SMPDL3A: variants seen among roughly 807,000 people sequenced by gnomAD.
SMPDL3A encodes sphingomyelin phosphodiesterase acid like 3A.
Under a neutral mutation model 38.5 loss-of-function variants are expected in SMPDL3A, and 39 were observed. The observed-to-expected ratio is 1.01, with a 90% CI of 0.78 to 1.32. SMPDL3A has a LOEUF of 1.32. Ranked by LOEUF, SMPDL3A falls within the 40% of genes most tolerant of loss-of-function variation. The pLI is 0.00. For synonymous variants in SMPDL3A, 180 were observed against 194.3 expected (o/e 0.93, Z 0.61); for missense variants, 502 against 536.2 (o/e 0.94, Z 0.63).
At chr6:122,804,525 G>A (rs66469917) in intron 5 of SMPDL3A, among the ~76,000 whole-genome samples, 29,400 of 151,272 alleles carry the variant, frequency 0.19, 3,241 homozygotes, top group South Asian at 0.35. Flanking sequence ...TGCCCAGGTT[G>A]GTCTCGAACT....
rs1487623272 is a variant in SMPDL3A, at chr6:122,794,264, T to G, written c.113-1413T>G. ...ATAGAAAATACTTAATAAAGAGAGA[T>G]ACCACTGTGATTATTTGTTCTAGTA... On this transcript the variant is annotated intron_variant, in intron 1 of 7. Coordinates refer to ENST00000368440, the MANE Select transcript of SMPDL3A (RefSeq NM_006714.5). Among the ~76,000 whole-genome samples the G allele has an allele frequency of 2.0e-5, 3 of 152,320 alleles. No homozygotes were observed. In the East Asian group the frequency reaches 5.8e-4, roughly 29 times the overall value.
chr6:122,808,079 AT>A lies in SMPDL3A; in HGVS notation c.1045-1009del, dbSNP rs1582562004. On this transcript the variant is annotated intron_variant, in intron 7 of 7. Coordinates refer to ENST00000368440, the MANE Select transcript of SMPDL3A (RefSeq NM_006714.5). ...AATAATTTCTAAAAATATAAAAATA[AT>A]TTCTTATATAATTTCTAAATAATTT... 2.0e-5 allele frequency among the ~76,000 whole-genome samples: 3 copies of A among 152,230 alleles called. No individual in the cohort carries two copies. In the South Asian group the frequency reaches 6.2e-4, roughly 32 times the overall value.
rs1358444438 is a variant in SMPDL3A at position 122,805,090 on chromosome 6, G to T, written c.919+1G>T. On this transcript the variant is annotated splice_donor_variant, in intron 6 of 7. Transcript: ENST00000368440. LOFTEE classifies it high-confidence loss of function. Reference sequence around the variant, plus strand: ...ATTATGGTTCTTTCAGATAAAAAAGGTAATGTAATGCTGTGTTTGCATCTC... The same window carrying T: ...ATTATGGTTCTTTCAGATAAAAAAGTTAATGTAATGCTGTGTTTGCATCTC... The T allele has an allele frequency of 1.9e-6, 3 of 1,598,882 alleles. No individual in the cohort carries two copies. Among genetic ancestry groups the T allele is most frequent in the Non-Finnish European group, 2.6e-6 (3 of 1,174,164 alleles).
At chr6:122,807,178 G>A (rs985751229) in intron 7 of SMPDL3A, among the ~76,000 whole-genome samples, 6 of 151,902 alleles carry the variant, frequency 3.9e-5, no homozygotes, top group African/African-American at 1.4e-4. Flanking sequence ...TGGTATTACA[G>A]ATGTGAGCCA....
chr6:122,796,049 G>A (rs1781239426), intron 2 of SMPDL3A, among the ~76,000 whole-genome samples, 159 bp downstream of exon 2: 1 of 152,024 alleles, frequency 6.6e-6, no homozygotes, highest in South Asian at 2.1e-4. Context: ...TTAGAGGTAA[G>A]AACAATTTTA....
chr6:122,804,896 T>C lies in SMPDL3A; in HGVS notation c.739-13T>C, dbSNP rs369592136. ...AAGATTCTCATGAGGCCTTTTTGTG[T>C]TTCTTTTTCCAGGTGTATATCATAG... On this transcript the variant is annotated splice_polypyrimidine_tract_variant and intron_variant, in intron 5 of 7. Coordinates refer to ENST00000368440, the MANE Select transcript of SMPDL3A (RefSeq NM_006714.5). 28 of 1,586,750 alleles carry C rather than the reference T, an allele frequency of 1.8e-5. No individual in the cohort carries two copies. The highest frequency in any genetic ancestry group is 2.4e-5 in the Non-Finnish European group (28 of 1,171,880).
chr6:122,803,554 G>T, intron 4 of SMPDL3A, 110 bp from the exon 5 acceptor site: 1 of 760,346 alleles, frequency 1.3e-6, no homozygotes, highest in Non-Finnish European at 2.1e-6. Flanking sequence ...TAAACAATGA[G>T]AAATAAGCAC....
At chr6:122,797,040 C>G (rs1582542473) in intron 3 of SMPDL3A, 72 bp downstream of exon 3, 2 of 1,288,184 alleles carry the variant, frequency 1.6e-6, no homozygotes, top group Non-Finnish European at 2.2e-6. Context: ...GTGACAATAA[C>G]TAGCTAGTGA....
intron 1 of SMPDL3A, among the ~76,000 whole-genome samples, chr6:122,790,675 C>A (rs1206884119): frequency 1.3e-5 from 2 of 152,194 alleles, no homozygotes; most frequent in South Asian, 4.1e-4. Context: ...TCAGTCATTA[C>A]AAGAAATTTC....
chr6:122,804,221 A>G (rs1339422385), intron 5 of SMPDL3A, among the ~76,000 whole-genome samples: 1 of 151,902 alleles, frequency 6.6e-6, no homozygotes, highest in Non-Finnish European at 1.5e-5. Flanking sequence ...CTACTGACCT[A>G]GGTGATCCAC....
At chr6:122,796,703 G>C (rs1781257967) in intron 2 of SMPDL3A, 121 bp from the exon 3 acceptor site, 2 of 641,312 alleles carry the variant, frequency 3.1e-6, no homozygotes, top group African/African-American at 1.8e-5. Context: ...CAACTCTTTA[G>C]CTGTAATCTG....
At position 122,803,688 on chromosome 6, in the gene SMPDL3A, C is replaced by T. The variant is rs763455970; in HGVS notation, c.593C>T (p.Thr198Ile). Residue 198 changes from threonine (T) to isoleucine (I), a missense_variant, in exon 5 of 8, where the codon ACA becomes ATA. Transcript: ENST00000368440. ...RKGGFYSQKV[T>I]TNPNLRIISL... ...GGTGGTTTTTATTCACAGAAAGTTA[C>T]AACTAATCCAAACCTTAGGATCATC... is the stretch of plus-strand genomic sequence containing the variant. The T allele has an allele frequency of 1.9e-6, 3 of 1,611,782 alleles. No homozygotes were observed. The highest frequency in any genetic ancestry group is 2.5e-6 in the Non-Finnish European group (3 of 1,179,350).
At chr6:122,804,865 T>A (rs374741338) in intron 5 of SMPDL3A, 44 bp from the exon 6 acceptor site, 12 of 1,528,660 alleles carry the variant, frequency 7.9e-6, no homozygotes, top group African/African-American at 4.2e-5. Flanking sequence ...ATGATGAATG[T>A]GCAGAAAGAT....
intron 1 of SMPDL3A, among the ~76,000 whole-genome samples, chr6:122,792,089 G>C (rs6569285): frequency 0.076 from 11,604 of 152,246 alleles, 1,454 homozygotes; most frequent in African/African-American, 0.26. Context: ...TGGAGTGTGG[G>C]CTCTGCCACA....
rs1024070510 is a variant in SMPDL3A, at chr6:122,805,661, G to T, written c.919+572G>T. On this transcript the variant is annotated intron_variant, in intron 6 of 7. Transcript: ENST00000368440. ...TGTTGTTGAGACGGAGCCTCGCTCT[G>T]TTGCCAGGCTGGAGCGCACCCTGCG... is the stretch of plus-strand genomic sequence containing the variant. Among the ~76,000 whole-genome samples the T allele has an allele frequency of 2.0e-5, 3 of 152,192 alleles. No homozygotes were observed. The East Asian group carries it at 5.8e-4, about 29-fold the overall frequency.
chr6:122,795,775 T>C lies in SMPDL3A; in HGVS notation c.211T>C (p.Ser71Pro). 1 of 1,614,136 alleles carries C rather than the reference T, an allele frequency of 6.2e-7. No homozygotes were observed. The highest frequency in any genetic ancestry group is 8.5e-7 in the Non-Finnish European group (1 of 1,179,988). The change falls in exon 2 of 8, where the codon TCC (serine) becomes CCC (proline). Residue 71 changes from serine (S) to proline (P), a missense_variant. Physicochemically the swap from Ser to Pro is moderately conservative, Grantham distance 74. Coordinates refer to ENST00000368440, the MANE Select transcript of SMPDL3A (RefSeq NM_006714.5). ...TGCTTCATCTAAAGGTGCAAATGCC[T>C]CCAACCCTGGCCCTTTTGGAGATGT... is the stretch of plus-strand genomic sequence containing the variant. ...VCASSKGANA[S>P]NPGPFGDVLC...
intron 2 of SMPDL3A, among the ~76,000 whole-genome samples, 175 bp downstream of exon 2, chr6:122,796,065 GT>G (rs201192159): frequency 2.7e-5 from 4 of 150,486 alleles, no homozygotes; most frequent in Admixed American, 6.6e-5. Context: ...TTTTAGAAGT[GT>G]TTTTTTTTGG....
intron 7 of SMPDL3A, among the ~76,000 whole-genome samples, chr6:122,808,609 C>CCTTCCTT (rs1562357722): frequency 0.026 from 1,142 of 44,334 alleles, 59 homozygotes; most frequent in Admixed American, 0.17. Flanking sequence ...CTCCCTCCCT[C>CCTTCCTT]CCTTCCTTCC....
At chr6:122,800,915 T>C (rs577376838) in intron 3 of SMPDL3A, among the ~76,000 whole-genome samples, 9 of 152,180 alleles carry the variant, frequency 5.9e-5, no homozygotes, top group Non-Finnish European at 8.8e-5. Context: ...CATGCCTGGG[T>C]AATTTTTGTG....
Sources: allele counts gnomAD v4.1 joint callset (sites outside exome capture counted in the v4.1 genomes callset), GRCh38; gene constraint gnomAD v4.1.1; transcripts MANE v1.5; gene names NCBI Gene and HGNC (gene_info 2026-07-23, HGNC 2026-07-21).